Variants in MIS18BP1 observed in about 807,000 individuals in gnomAD.
MIS18BP1 encodes the protein mis18-binding protein 1.
MIS18BP1 carries 72 observed loss-of-function variants against 116.1 expected under a neutral mutation model. The observed-to-expected ratio is 0.62, with a 90% CI of 0.51 to 0.75. MIS18BP1 has a LOEUF of 0.75. Among genes scored for constraint, MIS18BP1 ranks in the 30% least tolerant of loss-of-function variants. The pLI is 0.00. For synonymous variants in MIS18BP1, 386 were observed against 427.0 expected, an observed-to-expected ratio of 0.90 and a Z score of 1.18; for missense variants, 1,363 against 1,303.2, an observed-to-expected ratio of 1.05 and a Z score of -0.71.
At chr14:45,250,724 A>G (rs974485130) in intron 1 of MIS18BP1, among the ~76,000 whole-genome samples, 1 of 152,260 alleles carries the variant, frequency 6.6e-6, no homozygotes, top group African/African-American at 2.4e-5. Context: ...AAACCATTGG[A>G]TGAAAGGGCT....
intron 8 of MIS18BP1, among the ~76,000 whole-genome samples, chr14:45,229,457 T>C (rs1247601247): frequency 6.6e-6 from 1 of 151,610 alleles, no homozygotes; most frequent in Non-Finnish European, 1.5e-5. Flanking sequence ...TGAGCCATGA[T>C]TGCACCACTA....
intron 13 of MIS18BP1, among the ~76,000 whole-genome samples, chr14:45,214,578 T>G (rs1213227071): frequency 6.6e-6 from 1 of 152,198 alleles, no homozygotes; most frequent in East Asian, 1.9e-4. Context: ...GCCGGTCCCC[T>G]GGGCCCACTT....
chr14:45,210,517 GA>G lies in MIS18BP1; in HGVS notation c.3014del (p.Phe1005SerfsTer29). 1 of 1,613,722 alleles carries G rather than the reference GA, an allele frequency of 6.2e-7. No individual in the cohort carries two copies. The highest frequency in any genetic ancestry group is 8.5e-7 in the Non-Finnish European group (1 of 1,179,888). ...LQHQRILLPS[F>X]QDSEDDDDIL... ...TATCATCATCATCTTCACTGTCCTG[GA>G]AACTTGGCAACTAGAAAACAAGTAT... On this transcript the variant is annotated frameshift_variant, in exon 14 of 17. Transcript: ENST00000310806. LOFTEE classifies it high-confidence loss of function.
At chr14:45,247,741 G>T (rs1237169572) in intron 1 of MIS18BP1, among the ~76,000 whole-genome samples, 1 of 151,968 alleles carries the variant, frequency 6.6e-6, no homozygotes, top group Non-Finnish European at 1.5e-5. Flanking sequence ...AAAGATATAT[G>T]CATATGGCAC....
chr14:45,212,137 T>C (rs1890690841), intron 13 of MIS18BP1, among the ~76,000 whole-genome samples: 1 of 152,168 alleles, frequency 6.6e-6, no homozygotes, highest in Non-Finnish European at 1.5e-5. Context: ...GGCAAGGAGT[T>C]TGGAACTCTA....
rs771770299 is a variant in MIS18BP1, at chr14:45,224,181, G to A, written c.2406C>T (p.His802=). The change falls in exon 11 of 17, where the codon CAC becomes CAT. Residue 802 remains histidine (H), a synonymous_variant. Transcript: ENST00000310806. ...KAGNTKEAVV[H]LRKSTRNTSN... is the part of the protein sequence containing the mutation. ...TTGTGTTTCTTGTGCTCTTTCTCAG[G>A]TGAACCACTGCTTCTTTGGTGTTTC... 8 of 1,613,824 alleles carry A rather than the reference G, an allele frequency of 5.0e-6. No homozygotes were observed. The highest frequency in any genetic ancestry group is 1.3e-5 in the African/African-American group (1 of 74,914).
chr14:45,251,586 T>C (rs1891875710), intron 1 of MIS18BP1, among the ~76,000 whole-genome samples: 1 of 151,916 alleles, frequency 6.6e-6, no homozygotes, highest in South Asian at 2.1e-4. Flanking sequence ...GACATAGAAT[T>C]AGGGGGAAAA....
rs1356380986 is a variant in MIS18BP1, at chr14:45,241,913, A to T, written c.1143+121T>A. ...ACATGATAATGAAGACACTGTTAAT[A>T]ATGAAGCATACAGGTTCAAATCCTA... On this transcript the variant is annotated intron_variant, in intron 4 of 16. Coordinates refer to ENST00000310806, the MANE Select transcript of MIS18BP1 (RefSeq NM_018353.5). The T allele has an allele frequency of 3.8e-6, 4 of 1,048,350 alleles. No homozygotes were observed. In the African/African-American group the frequency reaches 6.4e-5, roughly 17 times the overall value. The allele number at this position is 1,048,350 out of a possible 1,614,324, so 64.9% of individuals were successfully genotyped here. A position where few individuals can be genotyped will look rare whatever the true frequency, so the allele number is the denominator to read the frequency against.
chr14:45,231,033 A>G, intron 8 of MIS18BP1, 108 bp downstream of exon 8: 1 of 1,112,100 alleles, frequency 9.0e-7, no homozygotes, highest in East Asian at 2.6e-5. Flanking sequence ...TAAGTCAAAG[A>G]ATACTATACT....
rs1319475866 is a variant in MIS18BP1 at position 45,224,625 on chromosome 14, T to G, written c.1962A>C (p.Pro654=). The change falls in exon 11 of 17, where the codon CCA becomes CCC. Residue 654 remains proline, a synonymous_variant. Transcript: ENST00000310806. ...GCTCTATCACTTTTCTAGATTTAAG[T>G]GGTGTTACTAAAATATAAGCTTTCT... ...NQKKAYILVT[P]LKSRKVIEQR... 6.2e-7 allele frequency: 1 copy of G among 1,613,778 alleles called. No homozygotes were observed. The highest frequency in any genetic ancestry group is 1.7e-5 in the Admixed American group (1 of 59,980).
At chr14:45,250,100 A>G (rs1406379206) in intron 1 of MIS18BP1, 4 of 152,214 alleles carry the variant, frequency 2.6e-5, no homozygotes, top group Admixed American at 6.5e-5. Flanking sequence ...AGGCTCCAAG[A>G]ACCAAAACAG....
In MIS18BP1 at chr14:45,224,011, C is replaced by T. The variant is rs747641100; in HGVS notation, c.2576G>A (p.Gly859Glu). The T allele has an allele frequency of 6.2e-7, 1 of 1,613,710 alleles. No homozygotes were observed. The highest frequency in any genetic ancestry group is 1.3e-5 in the African/African-American group (1 of 74,932). The change falls in exon 11 of 17, where the codon GGA becomes GAA. Residue 859 changes from glycine to glutamate, a missense_variant. Transcript: ENST00000310806. ...GGGATGCCTATTTGTCTTATCAGATCCTACTGCCTCAGTAATTGGAAACTC... is the reference window on the plus strand; with the variant it reads ...GGGATGCCTATTTGTCTTATCAGATTCTACTGCCTCAGTAATTGGAAACTC... ...RKEFPITEAV[G>E]SDKTNRHPLE...
rs1282301017 is a variant in MIS18BP1 at position 45,246,928 on chromosome 14, T to C, written c.359A>G (p.Glu120Gly). The change falls in exon 2 of 17, where the codon GAA becomes GGA. Residue 120 changes from glutamate (E) to glycine (G), a missense_variant. By Grantham distance (98) the Glu-to-Gly change is moderately conservative. Coordinates refer to ENST00000310806, the MANE Select transcript of MIS18BP1 (RefSeq NM_018353.5). The part of the protein sequence containing the change: ...SPGKIFLRMK[E>G]KVLRDKQEQP... ...TTCTTGCTTGTCACGCAGTACTTTT[T>C]CTTTCATTCTTAGAAATATTTTTCC... The C allele has an allele frequency of 6.2e-7, 1 of 1,603,444 alleles. No individual in the cohort carries two copies. Among genetic ancestry groups the C allele is most frequent in the Non-Finnish European group, 8.5e-7 (1 of 1,177,584 alleles).
In MIS18BP1 at chr14:45,235,833, T is replaced by C. The variant is rs758216230; in HGVS notation, c.1329A>G (p.Gln443=). Residue 443 remains glutamine, a synonymous_variant, in exon 6 of 17, where the codon CAA becomes CAG. Coordinates refer to ENST00000310806, the MANE Select transcript of MIS18BP1 (RefSeq NM_018353.5). The stretch of plus-strand genomic sequence containing the variant: ...ATTTACCTGCTTCTTTCATGGAAAT[T>C]TGGTCTATCATGCCTTTTAATATAT... ...NVYILKGMID[Q]ISMKEAGYPN... 1.9e-6 allele frequency: 3 copies of C among 1,598,648 alleles called. No homozygotes were observed. Among genetic ancestry groups the C allele is most frequent in the South Asian group, 2.3e-5 (2 of 87,696 alleles).
At chr14:45,221,496 T>G (rs1039581404) in intron 11 of MIS18BP1, among the ~76,000 whole-genome samples, 6 of 152,176 alleles carry the variant, frequency 3.9e-5, no homozygotes, top group East Asian at 3.9e-4. Flanking sequence ...CCTTTAAGTC[T>G]TCTTCTTTGA....
intron 6 of MIS18BP1, among the ~76,000 whole-genome samples, chr14:45,235,590 C>CA (rs77272289): frequency 0.18 from 12,424 of 67,360 alleles, 657 homozygotes; most frequent in South Asian, 0.25. Flanking sequence ...ACTCCATTTC[C>CA]AAAAAAAAAA....
rs970193022 is a variant in MIS18BP1 at position 45,203,755 on chromosome 14, T to C, written c.*354A>G. The C allele has an allele frequency of 1.3e-5, 2 of 154,496 alleles. No homozygotes were observed. Among genetic ancestry groups the C allele is most frequent in the East Asian group, 1.9e-4 (1 of 5,286 alleles). The allele number at this position is 154,496 out of a possible 1,614,324, so 9.6% of individuals were successfully genotyped here. On this transcript the variant is annotated 3_prime_UTR_variant, in exon 17 of 17. Transcript: ENST00000310806. ...TACAACCTCTGTCATCCTTCTCACC[T>C]TCTCTTACTTAAATGGTAGCAAAAT...
intron 13 of MIS18BP1, 84 bp from the exon 14 acceptor site, chr14:45,210,612 A>C: frequency 6.6e-6 from 10 of 1,525,374 alleles, no homozygotes; most frequent in South Asian, 1.2e-5. Flanking sequence ...AGGACTGATA[A>C]GTTGGTTCTT....
intron 2 of MIS18BP1, among the ~76,000 whole-genome samples, chr14:45,244,374 T>C (rs751727506): frequency 2.0e-5 from 3 of 152,186 alleles, no homozygotes; most frequent in Non-Finnish European, 4.4e-5. Flanking sequence ...GTGTCATCTT[T>C]CCAGATCATT....
Sources: gnomAD v4.1 joint callset for allele counts (sites outside exome capture counted in the v4.1 genomes callset) on GRCh38, gnomAD v4.1.1 for gene constraint, MANE v1.5 for transcripts, NCBI Gene and HGNC (gene_info 2026-07-23, HGNC 2026-07-21) for gene names.